The following DIP2B variants were observed in gnomAD, a reference collection of about 807,000 sequenced individuals.
DIP2B encodes disco-interacting protein 2 homolog B.
In DIP2B, 76 loss-of-function variants were observed where a neutral mutation model predicts 198.0. The observed-to-expected ratio is 0.38, with a 90% CI of 0.32 to 0.46. The LOEUF (loss-of-function observed/expected upper bound fraction) is 0.46, where lower values mean the gene tolerates loss of function less well. Among genes scored for constraint, DIP2B ranks in the 20% least tolerant of loss-of-function variants. DIP2B has a pLI of 0.99. For synonymous variants in DIP2B, 701 were observed against 739.1 expected (o/e 0.95, Z 0.84); for missense variants, 1,559 against 1,978.4 (o/e 0.79, Z 4.02).
rs1463222061 is a variant in DIP2B, at chr12:50,680,741, C to A, written c.1184C>A (p.Pro395His). Residue 395 changes from proline (P) to histidine (H), a missense_variant, in exon 9 of 38, where the codon CCT becomes CAT. Physicochemically the swap from Pro to His is moderately conservative, Grantham distance 77. Coordinates refer to ENST00000301180, the MANE Select transcript of DIP2B (RefSeq NM_173602.3). ...AATAAACTGGGGACCAAAAATGAAC[C>A]TGTGTTAAAACCTGGAGACAGGGTA... ...LLNKLGTKNE[P>H]VLKPGDRVAL... 1 of 1,613,712 alleles carries A rather than the reference C, an allele frequency of 6.2e-7. No homozygotes were observed. The highest frequency in any genetic ancestry group is 8.5e-7 in the Non-Finnish European group (1 of 1,179,902).
At chr12:50,530,772 G>A (rs2139363246) in intron 1 of DIP2B, among the ~76,000 whole-genome samples, 1 of 152,238 alleles carries the variant, frequency 6.6e-6, no homozygotes, top group Non-Finnish European at 1.5e-5. Context: ...GGACTGGTAA[G>A]TTTCTTCCTT....
In DIP2B at chr12:50,604,047, C is replaced by T. The variant is rs991316479; in HGVS notation, c.101-21929C>T. 1.1e-4 allele frequency among the ~76,000 whole-genome samples: 17 copies of T among 152,034 alleles called. No individual in the cohort carries two copies. The East Asian group carries it at 3.1e-3, about 28-fold the overall frequency. ...ATTCCTTTCTTGCATTGTTTTGCAT[C>T]ATGCAAGCTTCTGATGGATTGTACG... On this transcript the variant is annotated intron_variant, in intron 1 of 37. Transcript: ENST00000301180.
intron 4 of DIP2B, among the ~76,000 whole-genome samples, chr12:50,667,043 A>G (rs1358332029): frequency 6.6e-6 from 1 of 152,134 alleles, no homozygotes; most frequent in Non-Finnish European, 1.5e-5. Context: ...TAAGTTTTGC[A>G]TTTTTTGTAG....
chr12:50,598,420 C>A (rs1958897241), intron 1 of DIP2B, among the ~76,000 whole-genome samples: 1 of 151,964 alleles, frequency 6.6e-6, no homozygotes, highest in South Asian at 2.1e-4. Context: ...CTCCTTTTCC[C>A]TCCCTCAACC....
intron 33 of DIP2B, 24 bp from the exon 34 acceptor site, chr12:50,735,048 TA>T (rs1565886254): frequency 6.2e-7 from 1 of 1,614,018 alleles, no homozygotes; most frequent in Non-Finnish European, 8.5e-7. Context: ...AAGCCCTATA[TA>T]TAGTAAATAC....
At chr12:50,695,533 A>G (rs1312299442) in intron 15 of DIP2B, among the ~76,000 whole-genome samples, 173 bp downstream of exon 15, 1 of 152,194 alleles carries the variant, frequency 6.6e-6, no homozygotes, top group Admixed American at 6.5e-5. Flanking sequence ...GTCCTCTCTT[A>G]AGCATTGAGA....
chr12:50,522,585 C>G (rs756714712), intron 1 of DIP2B, among the ~76,000 whole-genome samples: 1 of 152,140 alleles, frequency 6.6e-6, no homozygotes, highest in Non-Finnish European at 1.5e-5. Flanking sequence ...ATGGGGAGAA[C>G]GTGCAAACGC....
At chr12:50,717,215 G>A (rs918234427) in intron 23 of DIP2B, among the ~76,000 whole-genome samples, 15 of 151,696 alleles carry the variant, frequency 9.9e-5, no homozygotes, top group Non-Finnish European at 1.6e-4. Context: ...AAACTGGTAG[G>A]ATTACAGGAG....
chr12:50,574,544 G>A (rs912180494), intron 1 of DIP2B, among the ~76,000 whole-genome samples: 5 of 150,154 alleles, frequency 3.3e-5, no homozygotes, highest in Non-Finnish European at 7.4e-5. Flanking sequence ...CAGCTTATGC[G>A]TATGAGGAAG....
chr12:50,618,725 A>G (rs1937748429), intron 1 of DIP2B, among the ~76,000 whole-genome samples: 1 of 152,216 alleles, frequency 6.6e-6, no homozygotes, highest in Non-Finnish European at 1.5e-5. Flanking sequence ...ATTGAGAAAA[A>G]TGATGATAAT....
chr12:50,621,502 TATTA>T (rs1477081101), intron 1 of DIP2B, among the ~76,000 whole-genome samples: 7 of 152,234 alleles, frequency 4.6e-5, no homozygotes, highest in Admixed American at 3.3e-4. Context: ...GCCTCCATTT[TATTA>T]ATTCATTCAG....
chr12:50,634,530 A>C (rs1938122255), intron 2 of DIP2B, among the ~76,000 whole-genome samples: 1 of 152,186 alleles, frequency 6.6e-6, no homozygotes, highest in Admixed American at 6.5e-5. Context: ...AGGAGACAGC[A>C]TGGGACAAGA....
intron 1 of DIP2B, among the ~76,000 whole-genome samples, chr12:50,602,452 A>G (rs1316242522): frequency 7.9e-5 from 12 of 152,114 alleles, no homozygotes. Context: ...TATTTTTTGT[A>G]GAGACATGTT....
chr12:50,567,240 G>A (rs7397999), intron 1 of DIP2B, among the ~76,000 whole-genome samples: 61,731 of 152,006 alleles, frequency 0.41, 13,512 homozygotes, highest in East Asian at 0.75. Context: ...GCCTCTCCCA[G>A]TGTTAACATC....
intron 3 of DIP2B, among the ~76,000 whole-genome samples, chr12:50,649,773 T>G (rs1938420772): frequency 6.6e-6 from 1 of 152,092 alleles, no homozygotes; most frequent in African/African-American, 2.4e-5. Context: ...TGAGAATCAC[T>G]TGAACCTAGG....
chr12:50,631,714 T>C (rs1164696047), intron 2 of DIP2B, among the ~76,000 whole-genome samples: 1 of 152,208 alleles, frequency 6.6e-6, no homozygotes, highest in Non-Finnish European at 1.5e-5. Flanking sequence ...ATTGCAAACA[T>C]GAGCCACTAT....
rs558520880 is a variant in DIP2B, at chr12:50,662,351, C to T, written c.427+2032C>T. 3.3e-5 allele frequency among the ~76,000 whole-genome samples: 5 copies of T among 152,342 alleles called. No individual in the cohort carries two copies. In the East Asian group the frequency reaches 7.7e-4, roughly 24 times the overall value. On this transcript the variant is annotated intron_variant, in intron 4 of 37. Coordinates refer to ENST00000301180, the MANE Select transcript of DIP2B (RefSeq NM_173602.3). ...TCACAACAAGGGGAAACATTGAGCGCACCCTGCATAGTGATTTCTCACACA... is the reference window on the plus strand; with the variant it reads ...TCACAACAAGGGGAAACATTGAGCGTACCCTGCATAGTGATTTCTCACACA...
intron 10 of DIP2B, among the ~76,000 whole-genome samples, chr12:50,685,193 A>G (rs1939112355): frequency 6.6e-6 from 1 of 152,238 alleles, no homozygotes; most frequent in African/African-American, 2.4e-5. Context: ...TCATTTGATC[A>G]GGAAATCATA....
intron 1 of DIP2B, among the ~76,000 whole-genome samples, chr12:50,517,885 T>C (rs1958079913): frequency 6.6e-6 from 1 of 152,242 alleles, no homozygotes; most frequent in South Asian, 2.1e-4. Context: ...AGTTAACTTC[T>C]GTTTCGTTCC....
Sources: gnomAD v4.1 joint callset for allele counts (sites outside exome capture counted in the v4.1 genomes callset) on GRCh38, gnomAD v4.1.1 for gene constraint, MANE v1.5 for transcripts, NCBI Gene and HGNC (gene_info 2026-07-23, HGNC 2026-07-21) for gene names.